Variants in DORIP1 observed in about 807,000 individuals in gnomAD.
DORIP1 encodes the protein dopamine receptor interacting protein 1, also known as dopamine receptor-interacting protein 1.
the DORIP1 span, chr14:44,900,794 C>A: frequency 1.9e-6 from 3 of 1,613,930 alleles, no homozygotes. Flanking sequence ...CAATACAAAT[C>A]TGAAGTCCAT....
At chr14:44,904,329 C>T in the DORIP1 span, 1 of 1,549,262 alleles carries the variant, frequency 6.5e-7, no homozygotes, top group Non-Finnish European at 8.7e-7. Context: ...ATAAAGACAA[C>T]TCTGAAGTGT....
At chr14:44,903,988 G>T in the DORIP1 span, 1 of 979,068 alleles carries the variant, frequency 1.0e-6, no homozygotes, top group South Asian at 4.7e-5. Flanking sequence ...CTCATAATAT[G>T]AGGAAACAAT....
the DORIP1 span, chr14:44,899,044 T>C: frequency 6.6e-6 from 1 of 152,310 alleles, no homozygotes; most frequent in South Asian, 2.1e-4. Flanking sequence ...ATGCCTCCCT[T>C]TTTTCATAAC....
At chr14:44,900,918 A>T in the DORIP1 span, 1 of 1,608,892 alleles carries the variant, frequency 6.2e-7, no homozygotes, top group Non-Finnish European at 8.5e-7. Flanking sequence ...GGCGATGCCC[A>T]ACTCGAGTGC....
the DORIP1 span, among the ~76,000 whole-genome samples, chr14:44,901,473 C>T: frequency 6.6e-6 from 1 of 152,238 alleles, no homozygotes; most frequent in Non-Finnish European, 1.5e-5. Context: ...TACATCCAAA[C>T]ATCTTATAAT....
chr14:44,899,572 GTTT>G, the DORIP1 span, among the ~76,000 whole-genome samples: 1 of 145,996 alleles, frequency 6.8e-6, no homozygotes, highest in Admixed American at 6.9e-5. Context: ...AGCAACAGGA[GTTT>G]TTTTTTTTAC....
chr14:44,903,275 T>C, the DORIP1 span: 14 of 1,613,038 alleles, frequency 8.7e-6, no homozygotes, highest in East Asian at 6.7e-5. Context: ...TGTTCCAAGA[T>C]TGAACTGTGT....
the DORIP1 span, chr14:44,897,551 T>C: frequency 9.9e-6 from 2 of 201,468 alleles, no homozygotes; most frequent in Non-Finnish European, 2.0e-5. Context: ...GCACCGGCAG[T>C]TTTCGGTCCC....
At chr14:44,904,241 A>C in the DORIP1 span, 1 of 984,680 alleles carries the variant, frequency 1.0e-6, no homozygotes, top group African/African-American at 1.7e-5. Flanking sequence ...AGGTGATATA[A>C]GGTAGTAATT....
the DORIP1 span, chr14:44,906,188 TGCC>T: frequency 1.3e-5 from 2 of 151,826 alleles, no homozygotes; most frequent in Non-Finnish European, 2.9e-5. Flanking sequence ...ATTATAAACC[TGCC>T]AGTGGATTTT....
the DORIP1 span, chr14:44,900,578 A>C: frequency 6.2e-7 from 1 of 1,611,380 alleles, no homozygotes; most frequent in Non-Finnish European, 8.5e-7. Context: ...ACACCACTCT[A>C]TGTTGAAATA....
chr14:44,900,507 G>T, the DORIP1 span: 1 of 1,591,172 alleles, frequency 6.3e-7, no homozygotes, highest in Non-Finnish European at 8.5e-7. Flanking sequence ...CATTTTGTAG[G>T]CCTGTTCTTC....
chr14:44,904,625 A>C, the DORIP1 span: 4 of 1,190,092 alleles, frequency 3.4e-6, no homozygotes, highest in Non-Finnish European at 4.5e-6. Flanking sequence ...ATATTGTTGA[A>C]AACAATCATA....
At chr14:44,903,501 T>TC in the DORIP1 span, 3 of 1,175,638 alleles carry the variant, frequency 2.6e-6, no homozygotes, top group African/African-American at 3.1e-5. Context: ...CTTTTCTTTT[T>TC]TCCCCCCCCA....
At chr14:44,902,289 G>A in the DORIP1 span, among the ~76,000 whole-genome samples, 2 of 152,180 alleles carry the variant, frequency 1.3e-5, no homozygotes, top group African/African-American at 4.8e-5. Context: ...CAGTAGCTGG[G>A]ACTACAGGTA....
the DORIP1 span, chr14:44,900,702 A>G: frequency 4.3e-6 from 7 of 1,614,068 alleles, no homozygotes; most frequent in South Asian, 6.6e-5. Context: ...GAGAGTTTGT[A>G]GACTGTTTTC....
At chr14:44,898,309 C>T in the DORIP1 span, among the ~76,000 whole-genome samples, 2 of 151,918 alleles carry the variant, frequency 1.3e-5, no homozygotes, top group African/African-American at 2.4e-5. Flanking sequence ...TCTTCCAAAC[C>T]TTCCCTCCTC....
chr14:44,900,051 G>A, the DORIP1 span, among the ~76,000 whole-genome samples: 3 of 152,042 alleles, frequency 2.0e-5, no homozygotes, highest in East Asian at 1.9e-4. Context: ...GGCTGGTCTC[G>A]AACGCCCGAC....
At chr14:44,903,280 C>T in the DORIP1 span, 1 of 1,612,682 alleles carries the variant, frequency 6.2e-7, no homozygotes, top group South Asian at 1.1e-5. Context: ...CAAGATTGAA[C>T]TGTGTGAAGA....
Sources: gnomAD v4.1 joint callset for allele counts (sites outside exome capture counted in the v4.1 genomes callset) on GRCh38, gnomAD v4.1.1 for gene constraint, MANE v1.5 for transcripts, NCBI Gene and HGNC (gene_info 2026-07-23, HGNC 2026-07-21) for gene names.